Variants in ATXN7 observed in about 807,000 individuals in gnomAD.
ATXN7 encodes ataxin 7, also known as ataxin-7.
ATXN7 carries 12 observed loss-of-function variants against 70.5 expected under a neutral mutation model. That is an observed-to-expected ratio of 0.17 (90% CI 0.11 to 0.28). The LOEUF (loss-of-function observed/expected upper bound fraction) is 0.28, where lower values mean the gene tolerates loss of function less well. Ranked by LOEUF, ATXN7 falls within the 10% of genes least tolerant of loss-of-function variation. The pLI is 1.00. For missense variants in ATXN7, 1,256 were observed against 1,131.7 expected, an observed-to-expected ratio of 1.11 and a Z score of -1.58; for synonymous variants, 498 against 448.7, an observed-to-expected ratio of 1.11 and a Z score of -1.39.
chr3:63,967,303 A>G (rs932138977), intron 5 of ATXN7, among the ~76,000 whole-genome samples: 1 of 152,244 alleles, frequency 6.6e-6, no homozygotes, highest in Non-Finnish European at 1.5e-5. Context: ...GAAATTATAC[A>G]TATTTTACAA....
intron 5 of ATXN7, among the ~76,000 whole-genome samples, chr3:63,953,486 G>A (rs1262703733): frequency 6.6e-6 from 1 of 152,020 alleles, no homozygotes; most frequent in Non-Finnish European, 1.5e-5. Context: ...GAGCACTGGA[G>A]GATTTATGTA....
At chr3:63,967,944 C>T (rs1221272902) in intron 5 of ATXN7, 5 of 1,535,796 alleles carry the variant, frequency 3.3e-6, no homozygotes, top group Non-Finnish European at 4.4e-6. Flanking sequence ...TCCAAAGCAG[C>T]CCTTCTGCGC....
At chr3:63,923,941 T>A (rs998968395) in intron 4 of ATXN7, among the ~76,000 whole-genome samples, 2 of 151,874 alleles carry the variant, frequency 1.3e-5, no homozygotes, top group African/African-American at 4.8e-5. Flanking sequence ...GTAATGAAAG[T>A]TGGGGGGATA....
At chr3:63,965,301 A>G in intron 5 of ATXN7, among the ~76,000 whole-genome samples, 1 of 152,164 alleles carries the variant, frequency 6.6e-6, no homozygotes, top group Non-Finnish European at 1.5e-5. Context: ...AGGAGGCAGT[A>G]TCAGTCCTTA....
chr3:63,926,185 C>G (rs1704707860), intron 4 of ATXN7, among the ~76,000 whole-genome samples: 1 of 152,190 alleles, frequency 6.6e-6, no homozygotes, highest in Admixed American at 6.5e-5. Context: ...ATTTATTGAG[C>G]ATCTACTTTG....
rs575260447 is a variant in ATXN7, at chr3:63,912,829, G to C, written c.231G>C (p.Thr77=). 1.9e-6 allele frequency: 3 copies of C among 1,582,898 alleles called. No individual in the cohort carries two copies. The African/African-American group carries it at 4.2e-5, about 22-fold the overall frequency. ...AASTSAAAMA[T]VGERRPLPSP... is the part of the protein sequence containing the mutation. Reference sequence around the variant, plus strand: ...CCACCTCGGCCGCCGCAATGGCGACGGTCGGGGAGCGCAGGCCTCTGCCCA... The same window carrying C: ...CCACCTCGGCCGCCGCAATGGCGACCGTCGGGGAGCGCAGGCCTCTGCCCA... The change falls in exon 3 of 13, where the codon ACG becomes ACC. Residue 77 remains threonine, a synonymous_variant. Transcript: ENST00000674280.
At chr3:63,903,489 G>T (rs1345566091) in intron 2 of ATXN7, among the ~76,000 whole-genome samples, 1 of 150,504 alleles carries the variant, frequency 6.6e-6, no homozygotes, top group Non-Finnish European at 1.5e-5. Flanking sequence ...TCTTTCGTTT[G>T]GACCATTACA....
At position 63,875,038 on chromosome 3, in the gene ATXN7, T is replaced by C. The variant is rs538964896; in HGVS notation, c.-111+10880T>C. On this transcript the variant is annotated intron_variant, in intron 1 of 12. Coordinates refer to ENST00000674280, the MANE Select transcript of ATXN7 (RefSeq NM_001377405.1). ...GCACTAATCCTATTCATGAAGGTTC[T>C]GCCCTCATGACCTAATCACCCTGCA... Among the ~76,000 whole-genome samples, 501 of 152,314 alleles carry C rather than the reference T, an allele frequency of 3.3e-3. 1 individual carries two copies. The highest frequency in any genetic ancestry group is 5.4e-3 in the Non-Finnish European group (370 of 68,024).
intron 5 of ATXN7, among the ~76,000 whole-genome samples, chr3:63,965,141 T>G (rs2075198404): frequency 6.6e-6 from 1 of 152,140 alleles, no homozygotes; most frequent in African/African-American, 2.4e-5. Context: ...GAAACCTCAG[T>G]TTTTCTGTTT....
chr3:63,953,687 G>C (rs368689605), intron 5 of ATXN7, among the ~76,000 whole-genome samples: 79 of 145,204 alleles, frequency 5.4e-4, no homozygotes, highest in African/African-American at 1.3e-4. Context: ...CGGCCTCTCT[G>C]TCATCCACGT....
At chr3:63,969,075 G>A (rs1467644602) in intron 5 of ATXN7, among the ~76,000 whole-genome samples, 1 of 152,122 alleles carries the variant, frequency 6.6e-6, no homozygotes, top group African/African-American at 2.4e-5. Context: ...TGACAGCCCT[G>A]GCATGCAGGT....
intron 1 of ATXN7, among the ~76,000 whole-genome samples, chr3:63,883,103 C>T (rs1575843737): frequency 6.6e-6 from 1 of 152,206 alleles, no homozygotes; most frequent in East Asian, 1.9e-4. Context: ...TTCCATCAAC[C>T]TCAGCAGTTC....
chr3:63,974,496 C>T (rs1461858871), intron 5 of ATXN7, among the ~76,000 whole-genome samples: 1 of 152,248 alleles, frequency 6.6e-6, no homozygotes, highest in Non-Finnish European at 1.5e-5. Flanking sequence ...CACCCAGGTG[C>T]TGGAGTCAGC....
intron 4 of ATXN7, among the ~76,000 whole-genome samples, chr3:63,913,485 A>G (rs1383525640): frequency 3.3e-5 from 5 of 152,190 alleles, no homozygotes; most frequent in Admixed American, 6.5e-5. Flanking sequence ...ACCGGCGGGA[A>G]GTTTAACCTA....
At chr3:63,932,645 T>G (rs1200843702) in intron 4 of ATXN7, among the ~76,000 whole-genome samples, 1 of 152,236 alleles carries the variant, frequency 6.6e-6, no homozygotes, top group East Asian at 1.9e-4. Flanking sequence ...TCCTTGGCTT[T>G]TTCACAGGTT....
At chr3:63,997,651 A>G in intron 12 of ATXN7, 1 of 1,552,238 alleles carries the variant, frequency 6.4e-7, no homozygotes, top group Non-Finnish European at 8.7e-7. Context: ...ACGAACAGGA[A>G]TTTCAGCAAC....
chr3:63,914,836 C>CT (rs1445720436), intron 4 of ATXN7, among the ~76,000 whole-genome samples: 1 of 152,162 alleles, frequency 6.6e-6, no homozygotes, highest in Non-Finnish European at 1.5e-5. Context: ...TGTTGGGATA[C>CT]TTTTATCAGC....
Position 63,912,711 on chromosome 3 carries a change from A to T in ATXN7, c.113A>T (p.Gln38Leu), listed in dbSNP as rs1477342245. The T allele has an allele frequency of 3.6e-5, 44 of 1,207,012 alleles. 1 individual carries two copies. The highest frequency in any genetic ancestry group is 3.3e-4 in the East Asian group (8 of 24,152). The allele number at this position is 1,207,012 out of a possible 1,614,324, so 74.8% of individuals were successfully genotyped here. A position where few individuals can be genotyped will look rare whatever the true frequency, so the allele number is the denominator to read the frequency against. Residue 38 changes from glutamine to leucine, a missense_variant, in exon 3 of 13, where the codon CAG (glutamine) becomes CTG (leucine). Physicochemically the swap from Gln to Leu is moderately radical, Grantham distance 113 (BLOSUM62 -2). Coordinates refer to ENST00000674280, the MANE Select transcript of ATXN7 (RefSeq NM_001377405.1). ...ARQQQQQQQQ[Q>L]QPPPPQPQRQ... ...CAGCAGCAGCAGCAGCAGCAGCAGCAGCAGCCGCCGCCTCCGCAGCCCCAG... is the reference window on the plus strand; with the variant it reads ...CAGCAGCAGCAGCAGCAGCAGCAGCTGCAGCCGCCGCCTCCGCAGCCCCAG...
rs780406089 is a variant in ATXN7, at chr3:63,988,285, T to C, written c.1322T>C (p.Val441Ala). 1.2e-6 allele frequency: 2 copies of C among 1,614,090 alleles called. No homozygotes were observed. Among genetic ancestry groups the C allele is most frequent in the Non-Finnish European group, 1.7e-6 (2 of 1,180,032 alleles). The change falls in exon 9 of 13, where the codon GTA becomes GCA. Residue 441 changes from valine (V) to alanine (A), a missense_variant. Coordinates refer to ENST00000674280, the MANE Select transcript of ATXN7 (RefSeq NM_001377405.1). ...ATTCCTTCCGAATCAAAGCCTTTTG[T>C]AGCTAGTAAACCTAAACCTCACACC... is the stretch of plus-strand genomic sequence containing the variant. ...GVIPSESKPF[V>A]ASKPKPHTPS...
Sources: allele counts gnomAD v4.1 joint callset (sites outside exome capture counted in the v4.1 genomes callset), GRCh38; gene constraint gnomAD v4.1.1; transcripts MANE v1.5; gene names NCBI Gene and HGNC (gene_info 2026-07-23, HGNC 2026-07-21).